Variants in EML5 observed in about 807,000 individuals in gnomAD.
EML5 encodes the protein EMAP like 5, also known as echinoderm microtubule-associated protein-like 5.
Under a neutral mutation model 250.0 loss-of-function variants are expected in EML5, and 120 were observed. The ratio of observed to expected loss-of-function variants is 0.48; its 90% CI spans 0.41 to 0.56. The LOEUF is 0.56. EML5 is among the 20% of genes least tolerant of loss of function. EML5 has a pLI of 0.00. For missense variants in EML5, 2,006 were observed against 2,437.6 expected, an observed-to-expected ratio of 0.82 and a Z score of 3.73; for synonymous variants, 771 against 806.5, an observed-to-expected ratio of 0.96 and a Z score of 0.75.
chr14:88,657,556 A>T (rs1176782860), intron 26 of EML5, 54 bp from the exon 27 acceptor site: 2 of 1,475,728 alleles, frequency 1.4e-6, no homozygotes. Context: ...ATCAATTATG[A>T]TCTTATAAAT....
At position 88,661,755 on chromosome 14, in the gene EML5, C is replaced by T; in HGVS notation, c.3574G>A (p.Glu1192Lys). Residue 1192 changes from glutamate (E) to lysine (K), a missense_variant, in exon 25 of 44, where the codon GAA becomes AAA. Glu to Lys is a moderately conservative substitution (Grantham distance 56). Coordinates refer to ENST00000554922, the MANE Select transcript of EML5 (RefSeq NM_183387.3). ...CCEGIWPVIG[E>K]VTDVTASCLT... is the part of the protein sequence containing the mutation. ...CAAGAAGCAGTTACATCTGTAACTT[C>T]TCCAATTACTGGCCAAATTCCTTCA... The T allele has an allele frequency of 3.1e-6, 5 of 1,613,724 alleles. No individual in the cohort carries two copies. Among genetic ancestry groups the T allele is most frequent in the Non-Finnish European group, 3.4e-6 (4 of 1,179,774 alleles).
chr14:88,671,274 C>T (rs945845778), intron 21 of EML5, among the ~76,000 whole-genome samples: 11 of 152,004 alleles, frequency 7.2e-5, no homozygotes, highest in African/African-American at 2.4e-4. Flanking sequence ...TAAAGAATTT[C>T]CAACTCAGAA....
chr14:88,646,723 T>C (rs1450913090), intron 29 of EML5, among the ~76,000 whole-genome samples: 1 of 152,138 alleles, frequency 6.6e-6, no homozygotes, highest in African/African-American at 2.4e-5. Flanking sequence ...TATAAAATTA[T>C]ACAAGTTGAA....
intron 13 of EML5, among the ~76,000 whole-genome samples, chr14:88,704,580 A>G (rs955995690): frequency 6.6e-6 from 1 of 152,168 alleles, no homozygotes; most frequent in Admixed American, 6.5e-5. Flanking sequence ...ATTACACACA[A>G]TGTAATGTAT....
intron 33 of EML5, among the ~76,000 whole-genome samples, chr14:88,631,642 C>T (rs1291764795): frequency 7.2e-5 from 11 of 152,116 alleles, no homozygotes; most frequent in Non-Finnish European, 1.3e-4. Context: ...TGGTGGCAGT[C>T]GCCTGTAATC....
intron 13 of EML5, 64 bp downstream of exon 13, chr14:88,704,796 G>A (rs1415066643): frequency 8.6e-7 from 1 of 1,163,064 alleles, no homozygotes; most frequent in East Asian, 2.3e-5. Context: ...TATCATTAGA[G>A]ATGTTAAGCT....
At chr14:88,753,214 C>CCT (rs2094120740) in intron 2 of EML5, among the ~76,000 whole-genome samples, 1 of 152,162 alleles carries the variant, frequency 6.6e-6, no homozygotes, top group Non-Finnish European at 1.5e-5. Context: ...TCTCCTGCAA[C>CCT]CTCTCACCTG....
At chr14:88,747,880 C>G (rs1355240732) in intron 2 of EML5, among the ~76,000 whole-genome samples, 3 of 152,068 alleles carry the variant, frequency 2.0e-5, no homozygotes, top group African/African-American at 7.2e-5. Flanking sequence ...CTGAACTTAC[C>G]CTCCCCGACC....
intron 27 of EML5, among the ~76,000 whole-genome samples, chr14:88,654,685 G>A (rs1343539555): frequency 6.6e-6 from 1 of 152,144 alleles, no homozygotes; most frequent in African/African-American, 2.4e-5. Context: ...TTGCTGAGGA[G>A]TGTTTTACTT....
At chr14:88,653,496 T>C (rs1261395089) in intron 27 of EML5, among the ~76,000 whole-genome samples, 2 of 152,200 alleles carry the variant, frequency 1.3e-5, no homozygotes, top group Non-Finnish European at 2.9e-5. Flanking sequence ...TTGAGAGTTT[T>C]TAGCATGAAG....
chr14:88,727,799 A>G (rs2093690344), intron 7 of EML5, among the ~76,000 whole-genome samples: 1 of 152,202 alleles, frequency 6.6e-6, no homozygotes, highest in Non-Finnish European at 1.5e-5. Context: ...GTAGACACAC[A>G]TATGTATATA....
chr14:88,789,521 C>A (rs1006209139), intron 1 of EML5, among the ~76,000 whole-genome samples: 1 of 143,312 alleles, frequency 7.0e-6, no homozygotes, highest in Non-Finnish European at 1.5e-5. Context: ...GTCAAAGAAC[C>A]AGTAAGCAAA....
intron 17 of EML5, among the ~76,000 whole-genome samples, chr14:88,690,333 T>C (rs529987060): frequency 4.6e-5 from 7 of 152,186 alleles, no homozygotes; most frequent in Non-Finnish European, 1.0e-4. Context: ...GGATTGAGAA[T>C]AGATACAAGG....
Position 88,754,556 on chromosome 14 carries a change from G to C in EML5, c.313C>G (p.His105Asp). Residue 105 changes from histidine (H) to aspartate (D), a missense_variant, in exon 2 of 44, where the codon CAT becomes GAT. This residue lies in a region of EML5 where 162 missense variants were observed against 212.2 expected (regional missense o/e 0.76). Coordinates refer to ENST00000554922, the MANE Select transcript of EML5 (RefSeq NM_183387.3). ...GCCAAGCAAGCTATACCATGTGTATGAACATCCTTTAAAACTGATATGGTC... is the reference window on the plus strand; with the variant it reads ...GCCAAGCAAGCTATACCATGTGTATCAACATCCTTTAAAACTGATATGGTC... ...VQTISVLKDV[H>D]THGIACLAFD... 6.2e-7 allele frequency: 1 copy of C among 1,612,864 alleles called. No homozygotes were observed. Among genetic ancestry groups the C allele is most frequent in the Non-Finnish European group, 8.5e-7 (1 of 1,179,542 alleles).
intron 31 of EML5, among the ~76,000 whole-genome samples, chr14:88,641,851 T>G (rs576788234): frequency 6.6e-6 from 1 of 152,248 alleles, no homozygotes; most frequent in South Asian, 2.1e-4. Flanking sequence ...AAAGTAAAAA[T>G]AAAATTATAA....
intron 2 of EML5, among the ~76,000 whole-genome samples, chr14:88,754,044 G>A (rs10130222): frequency 0.64 from 97,100 of 151,856 alleles, 33,044 homozygotes; most frequent in East Asian, 0.94. Context: ...AGGTGAGGCA[G>A]GAACATTGCT....
intron 8 of EML5, among the ~76,000 whole-genome samples, chr14:88,720,673 T>C (rs577653417): frequency 6.6e-6 from 1 of 152,284 alleles, no homozygotes; most frequent in Non-Finnish European, 1.5e-5. Flanking sequence ...AATATCATAC[T>C]GAATGTGCAA....
At chr14:88,789,731 T>G (rs1410531672) in intron 1 of EML5, among the ~76,000 whole-genome samples, 3 of 150,968 alleles carry the variant, frequency 2.0e-5, no homozygotes, top group Non-Finnish European at 2.9e-5. Context: ...GATAATAAAA[T>G]GGTCAAAGAA....
At position 88,705,525 on chromosome 14, in the gene EML5, T is replaced by C. The variant is rs1354690067; in HGVS notation, c.1889A>G (p.Asp630Gly). The C allele has an allele frequency of 6.2e-7, 1 of 1,604,890 alleles. No individual in the cohort carries two copies. The highest frequency in any genetic ancestry group is 8.5e-7 in the Non-Finnish European group (1 of 1,175,246). Reference protein sequence around the residue: ...DSDLSDVPELDSEIEQETQLT... With the variant: ...DSDLSDVPELGSEIEQETQLT... ...CTGTGTCTCTTGTTCAATTTCAGAA[T>C]CCAGTTCTGGAACATCAGACAGATC... Residue 630 changes from aspartate (D) to glycine (G), a missense_variant, in exon 12 of 44, where the codon GAT (aspartate) becomes GGT (glycine). Physicochemically the swap from Asp to Gly is moderately conservative, Grantham distance 94. Coordinates refer to ENST00000554922, the MANE Select transcript of EML5 (RefSeq NM_183387.3).
Sources: allele counts gnomAD v4.1 joint callset (sites outside exome capture counted in the v4.1 genomes callset), GRCh38; gene constraint gnomAD v4.1.1; regional missense constraint gnomAD v4.1.1; transcripts MANE v1.5; gene names NCBI Gene and HGNC (gene_info 2026-07-23, HGNC 2026-07-21).